TSNARE1: variants seen among roughly 807,000 people sequenced by gnomAD.
TSNARE1 encodes the protein t-SNARE domain containing 1, also known as t-SNARE domain-containing protein 1.
TSNARE1 carries 49 observed loss-of-function variants against 62.0 expected under a neutral mutation model. The ratio of observed to expected loss-of-function variants is 0.79; its 90% CI spans 0.63 to 1.00. TSNARE1 has a LOEUF of 1.00. Ranked by LOEUF, TSNARE1 falls within the 50% of genes least tolerant of loss-of-function variation. TSNARE1 has a pLI of 0.00. For synonymous variants in TSNARE1, 328 were observed against 294.4 expected (o/e 1.11, Z -1.17); for missense variants, 755 against 700.1 (o/e 1.08, Z -0.88).
intron 4 of TSNARE1, among the ~76,000 whole-genome samples, chr8:142,333,888 G>C (rs1042384277): frequency 4.6e-5 from 7 of 150,982 alleles, no homozygotes; most frequent in African/African-American, 1.7e-4. Context: ...CCATCACCCA[G>C]CACCCACCAC....
chr8:142,280,844 A>C (rs886384037), intron 11 of TSNARE1, among the ~76,000 whole-genome samples: 1 of 152,126 alleles, frequency 6.6e-6, no homozygotes, highest in Non-Finnish European at 1.5e-5. Flanking sequence ...AGGAGGTGGT[A>C]AGGGAGTGAT....
chr8:142,280,586 C>T (rs980705589), intron 11 of TSNARE1, among the ~76,000 whole-genome samples: 1 of 152,178 alleles, frequency 6.6e-6, no homozygotes, highest in African/African-American at 2.4e-5. Flanking sequence ...CTGGTTTGTC[C>T]CCCTCCCCAC....
chr8:142,369,839 A>G (rs1214571799), intron 1 of TSNARE1, among the ~76,000 whole-genome samples: 1 of 152,248 alleles, frequency 6.6e-6, no homozygotes, highest in Non-Finnish European at 1.5e-5. Flanking sequence ...CAAACGTCCC[A>G]GCAAATGTTT....
rs4576551 is a variant in TSNARE1, at chr8:142,314,577, G to A, written c.1075-137C>T. The A allele has an allele frequency of 4.8e-3, 3,496 of 732,454 alleles. 78 individuals are homozygous for A. The African/African-American group carries it at 0.053, about 11-fold the overall frequency. The allele number at this position is 732,454 out of a possible 1,614,324, so 45.4% of individuals were successfully genotyped here. On this transcript the variant is annotated intron_variant, in intron 8 of 13. Transcript: ENST00000524325. The stretch of plus-strand genomic sequence containing the variant: ...CCTGCCACTCCCAGAAGAGGCTGCC[G>A]GGGCCGGGGCTGAGCTCTGCCAGCG...
At chr8:142,383,009 G>A (rs1836878180) in intron 1 of TSNARE1, among the ~76,000 whole-genome samples, 1 of 152,156 alleles carries the variant, frequency 6.6e-6, no homozygotes. Flanking sequence ...GGGCAGGAAA[G>A]GGGCCTCAAG....
intron 9 of TSNARE1, among the ~76,000 whole-genome samples, chr8:142,301,780 G>A (rs920270700): frequency 3.5e-5 from 5 of 141,014 alleles, no homozygotes; most frequent in South Asian, 2.3e-4. Flanking sequence ...CCACTCAGCC[G>A]TGCCCCCGAT....
chr8:142,360,198 A>T (rs1835046754), intron 1 of TSNARE1, among the ~76,000 whole-genome samples: 1 of 151,948 alleles, frequency 6.6e-6, no homozygotes, highest in Non-Finnish European at 1.5e-5. Flanking sequence ...TGGGCAGGGG[A>T]CCCAGCCAAG....
chr8:142,378,341 G>A (rs1365764171), intron 1 of TSNARE1, among the ~76,000 whole-genome samples: 1 of 152,188 alleles, frequency 6.6e-6, no homozygotes, highest in East Asian at 1.9e-4. Flanking sequence ...AGTCGCATGT[G>A]GTGACAGAAC....
intron 1 of TSNARE1, among the ~76,000 whole-genome samples, chr8:142,385,006 A>G (rs141075949): frequency 6.6e-6 from 1 of 152,340 alleles, no homozygotes; most frequent in East Asian, 1.9e-4. Flanking sequence ...TCTGATTTTA[A>G]AAGTATCACA....
intron 9 of TSNARE1, among the ~76,000 whole-genome samples, chr8:142,312,710 TCAAGGGGAAAACGGAC>T (rs371323277): frequency 1.6e-3 from 243 of 152,318 alleles, no homozygotes; most frequent in African/African-American, 5.7e-3. Flanking sequence ...AAAGCCTGCC[TCAAGGGGAAAACGGAC>T]CGAGTGCTGC....
chr8:142,386,194 C>T (rs1281838660), intron 1 of TSNARE1, among the ~76,000 whole-genome samples: 1 of 152,152 alleles, frequency 6.6e-6, no homozygotes, highest in Admixed American at 6.5e-5. Context: ...TGCAAAGACC[C>T]TTTTGCCATG....
intron 9 of TSNARE1, 92 bp from the exon 10 acceptor site, chr8:142,300,736 T>C: frequency 7.6e-7 from 1 of 1,317,618 alleles, no homozygotes; most frequent in Non-Finnish European, 1.0e-6. Flanking sequence ...TGCTTTTCCC[T>C]TCACTATCCC....
At chr8:142,293,808 C>A (rs1824221903) in intron 10 of TSNARE1, among the ~76,000 whole-genome samples, 1 of 152,220 alleles carries the variant, frequency 6.6e-6, no homozygotes, top group Non-Finnish European at 1.5e-5. Flanking sequence ...CATCTACCCA[C>A]ACACTGCAGG....
At chr8:142,226,993 TGCACCCACACAGC>T (rs1816821283) in intron 13 of TSNARE1, among the ~76,000 whole-genome samples, 1 of 130,348 alleles carries the variant, frequency 7.7e-6, no homozygotes, top group African/African-American at 3.5e-5. Context: ...GGCCCCCCAC[TGCACCCACACAGC>T]AGTGACAGCC....
chr8:142,247,671 T>C (rs1367501307), intron 12 of TSNARE1: 2 of 152,280 alleles, frequency 1.3e-5, no homozygotes, highest in African/African-American at 4.8e-5. Flanking sequence ...ACGAGAGCTC[T>C]GACCTGCTCT....
chr8:142,354,628 T>C lies in TSNARE1; in HGVS notation c.88+9A>G. ...CCTCCCCGCCCCCACTTCCAGCTAC[T>C]ATCATTACCTAGGGGCTGACAGCCT... On this transcript the variant is annotated intron_variant, in intron 2 of 13. Coordinates refer to ENST00000524325, the MANE Select transcript of TSNARE1 (RefSeq NM_145003.5). 1 of 1,592,404 alleles carries C rather than the reference T, an allele frequency of 6.3e-7. No homozygotes were observed.
chr8:142,309,953 C>A (rs995333621), intron 9 of TSNARE1, among the ~76,000 whole-genome samples: 2 of 148,340 alleles, frequency 1.3e-5, no homozygotes, highest in Non-Finnish European at 3.0e-5. Context: ...TTCTGTACCT[C>A]TTGGTAAATT....
intron 1 of TSNARE1, among the ~76,000 whole-genome samples, chr8:142,383,974 A>C (rs1311119080): frequency 2.6e-5 from 4 of 152,238 alleles, no homozygotes; most frequent in Admixed American, 2.0e-4. Flanking sequence ...GGGCCCACAC[A>C]GGAGGGAGTG....
chr8:142,248,465 C>G (rs1817999675), intron 12 of TSNARE1, among the ~76,000 whole-genome samples: 1 of 152,028 alleles, frequency 6.6e-6, no homozygotes, highest in African/African-American at 2.4e-5. Flanking sequence ...CTCTCAGACT[C>G]ATAAAGATTG....
Sources: allele counts gnomAD v4.1 joint callset (sites outside exome capture counted in the v4.1 genomes callset), GRCh38; gene constraint gnomAD v4.1.1; transcripts MANE v1.5; gene names NCBI Gene and HGNC (gene_info 2026-07-23, HGNC 2026-07-21).